The following VWC2L variants were observed in gnomAD, a reference collection of about 807,000 sequenced individuals.
The protein encoded by VWC2L is von Willebrand factor C domain-containing protein 2-like.
Under a neutral mutation model 21.6 loss-of-function variants are expected in VWC2L, and 10 were observed. That is an observed-to-expected ratio of 0.46 (90% CI 0.29 to 0.78). The LOEUF is 0.78. Among genes scored for constraint, VWC2L ranks in the 30% least tolerant of loss-of-function variants. The probability of loss-of-function intolerance (pLI) is 0.10; values close to 1 mark genes in which losing one functional copy is unlikely to be tolerated. For missense variants in VWC2L, 209 were observed against 277.1 expected (o/e 0.75, Z 1.74); for synonymous variants, 96 against 94.3 (o/e 1.02, Z -0.10).
intron 3 of VWC2L, among the ~76,000 whole-genome samples, chr2:214,562,966 T>A (rs911049846): frequency 3.3e-5 from 5 of 152,330 alleles, no homozygotes; most frequent in African/African-American, 9.6e-5. Flanking sequence ...TTTAATTAGA[T>A]CCCATTTGTC....
At chr2:214,525,456 T>C (rs1485569317) in intron 3 of VWC2L, 1 of 152,230 alleles carries the variant, frequency 6.6e-6, no homozygotes, top group Admixed American at 6.5e-5. Context: ...TCAATAAGTT[T>C]GGGAAATGCT....
chr2:214,547,858 G>A (rs1204988348), intron 3 of VWC2L, among the ~76,000 whole-genome samples: 1 of 152,158 alleles, frequency 6.6e-6, no homozygotes, highest in Non-Finnish European at 1.5e-5. Context: ...CTAATAGTTG[G>A]AAAAAGATCA....
At chr2:214,427,481 T>C (rs1702541397) in intron 2 of VWC2L, among the ~76,000 whole-genome samples, 1 of 152,232 alleles carries the variant, frequency 6.6e-6, no homozygotes, top group Admixed American at 6.5e-5. Context: ...AGATTGAAGT[T>C]TCATCTCTGT....
chr2:214,492,695 C>A (rs902361389), intron 3 of VWC2L, among the ~76,000 whole-genome samples: 1 of 152,172 alleles, frequency 6.6e-6, no homozygotes, highest in African/African-American at 2.4e-5. Context: ...TCAATTGCTA[C>A]TATGAATCAC....
In VWC2L at chr2:214,421,885, C is replaced by CTTTTTTTTTTTTTT. The variant is rs761759449; in HGVS notation, c.390+7313_390+7326dup. ...CATAATTTTTTTCTATTTCCTACAT[C>CTTTTTTTTTTTTTT]TTTTTTTTTTTTTTTTTTTTTTTTG... On this transcript the variant is annotated intron_variant, in intron 2 of 3. Coordinates refer to ENST00000312504, the MANE Select transcript of VWC2L (RefSeq NM_001080500.4). 1.8e-4 allele frequency among the ~76,000 whole-genome samples: 14 copies of CTTTTTTTTTTTTTT among 76,164 alleles called. 1 individual carries two copies. Among genetic ancestry groups the CTTTTTTTTTTTTTT allele is most frequent in the African/African-American group, 5.1e-4 (8 of 15,712 alleles). 50.0% of individuals were successfully genotyped at this position (76,164 alleles called of 152,430 possible).
At chr2:214,562,789 G>T (rs934679580) in intron 3 of VWC2L, among the ~76,000 whole-genome samples, 1 of 152,110 alleles carries the variant, frequency 6.6e-6, no homozygotes. Context: ...GTCTGTTCAC[G>T]TCCTTTGCCC....
chr2:214,571,662 TC>T (rs1690151066), intron 3 of VWC2L, among the ~76,000 whole-genome samples: 1 of 152,198 alleles, frequency 6.6e-6, no homozygotes, highest in Non-Finnish European at 1.5e-5. Context: ...AACCTTCAGT[TC>T]CTGTCTTCAA....
At chr2:214,494,899 T>C (rs1688791350) in intron 3 of VWC2L, among the ~76,000 whole-genome samples, 2 of 152,096 alleles carry the variant, frequency 1.3e-5, no homozygotes, top group South Asian at 4.1e-4. Context: ...ATACTGCTGT[T>C]CTCATTTGCC....
At chr2:214,449,575 G>A (rs183789089) in intron 3 of VWC2L, among the ~76,000 whole-genome samples, 1 of 152,322 alleles carries the variant, frequency 6.6e-6, no homozygotes, top group Admixed American at 6.5e-5. Flanking sequence ...TTGACACACA[G>A]TGATTGGGAA....
intron 3 of VWC2L, among the ~76,000 whole-genome samples, chr2:214,514,184 T>C (rs2105907320): frequency 6.6e-6 from 1 of 152,148 alleles, no homozygotes; most frequent in Admixed American, 6.5e-5. Context: ...AATCATTTAC[T>C]TAACGTTTTA....
chr2:214,562,967 C>T (rs1330490286), intron 3 of VWC2L, among the ~76,000 whole-genome samples: 2 of 152,130 alleles, frequency 1.3e-5, no homozygotes, highest in South Asian at 2.1e-4. Context: ...TTAATTAGAT[C>T]CCATTTGTCA....
intron 3 of VWC2L, among the ~76,000 whole-genome samples, chr2:214,572,804 A>C (rs1690172027): frequency 6.6e-6 from 1 of 152,164 alleles, no homozygotes; most frequent in Non-Finnish European, 1.5e-5. Context: ...TGTACTACTA[A>C]AGCTAATGAG....
chr2:214,426,993 T>TA (rs1702533463), intron 2 of VWC2L, among the ~76,000 whole-genome samples: 1 of 152,194 alleles, frequency 6.6e-6, no homozygotes, highest in Admixed American at 6.5e-5. Context: ...CCTATCCATT[T>TA]AAAAAACAAA....
At chr2:214,535,163 T>C (rs1414349990) in intron 3 of VWC2L, among the ~76,000 whole-genome samples, 1 of 152,134 alleles carries the variant, frequency 6.6e-6, no homozygotes, top group Non-Finnish European at 1.5e-5. Context: ...TTAAATCATA[T>C]GCAAACAAAG....
intron 2 of VWC2L, among the ~76,000 whole-genome samples, chr2:214,425,705 T>C (rs926484411): frequency 6.6e-6 from 1 of 152,178 alleles, no homozygotes; most frequent in African/African-American, 2.4e-5. Context: ...CACAGTTTGA[T>C]CCCATTAAAT....
At chr2:214,447,915 T>G (rs1203214229) in intron 3 of VWC2L, among the ~76,000 whole-genome samples, 1 of 151,992 alleles carries the variant, frequency 6.6e-6, no homozygotes, top group Non-Finnish European at 1.5e-5. Context: ...ACTGCCTGGC[T>G]TGGAAATCTT....
intron 1 of VWC2L, among the ~76,000 whole-genome samples, chr2:214,413,528 T>C (rs1427819531): frequency 6.6e-6 from 1 of 152,204 alleles, no homozygotes; most frequent in Non-Finnish European, 1.5e-5. Context: ...AGACTCACAT[T>C]CACTTAAACA....
chr2:214,522,374 C>CA (rs5838440), intron 3 of VWC2L, among the ~76,000 whole-genome samples: 34,972 of 102,882 alleles, frequency 0.34, 5,959 homozygotes, highest in East Asian at 0.53. Context: ...GACCCCGTCT[C>CA]AAAAAAAAAA....
chr2:214,424,600 A>G (rs574988539), intron 2 of VWC2L, among the ~76,000 whole-genome samples: 8 of 152,322 alleles, frequency 5.3e-5, no homozygotes, highest in African/African-American at 1.7e-4. Flanking sequence ...TACTACGATT[A>G]CTATTAATAC....
Sources: gnomAD v4.1 joint callset for allele counts (sites outside exome capture counted in the v4.1 genomes callset) on GRCh38, gnomAD v4.1.1 for gene constraint, MANE v1.5 for transcripts, NCBI Gene and HGNC (gene_info 2026-07-23, HGNC 2026-07-21) for gene names.